The following CAST variants were observed in gnomAD, a reference collection of about 807,000 sequenced individuals.
CAST encodes the protein MIR583 host.
In CAST, 76 loss-of-function variants were observed where a neutral mutation model predicts 119.6. The observed-to-expected ratio is 0.64, with a 90% CI of 0.53 to 0.77. The LOEUF is 0.77. Among genes scored for constraint, CAST ranks in the 30% least tolerant of loss-of-function variants. The pLI, the probability that CAST is intolerant of heterozygous loss-of-function variation, is 0.00. For missense variants in CAST, 953 were observed against 946.5 expected (o/e 1.01, Z -0.09); for synonymous variants, 319 against 331.6 (o/e 0.96, Z 0.41).
the CAST span, among the ~76,000 whole-genome samples, chr5:96,404,091 A>G: frequency 6.6e-6 from 1 of 152,188 alleles, no homozygotes; most frequent in African/African-American, 2.4e-5. Flanking sequence ...TAGTGCCACA[A>G]ACATTTATGC....
chr5:96,387,255 T>C, the CAST span, among the ~76,000 whole-genome samples: 1 of 152,212 alleles, frequency 6.6e-6, no homozygotes, highest in Non-Finnish European at 1.5e-5. Flanking sequence ...AATAGTATCA[T>C]TTACAGCAAC....
At chr5:96,013,911 T>C in the CAST span, among the ~76,000 whole-genome samples, 2 of 152,172 alleles carry the variant, frequency 1.3e-5, no homozygotes, top group Non-Finnish European at 2.9e-5. Context: ...TAGGACATTA[T>C]ACTATTGTAG....
chr5:96,151,133 G>C, the CAST span, among the ~76,000 whole-genome samples: 1 of 152,148 alleles, frequency 6.6e-6, no homozygotes, highest in Non-Finnish European at 1.5e-5. Context: ...CTAGAAAACA[G>C]ACTATTTGTT....
chr5:96,554,805 C>T (rs1006732522), intron 1 of CAST, among the ~76,000 whole-genome samples: 5 of 152,170 alleles, frequency 3.3e-5, no homozygotes, highest in African/African-American at 9.7e-5. Context: ...AGAAACAATG[C>T]TCATCATCAC....
chr5:96,037,845 G>A, the CAST span, among the ~76,000 whole-genome samples: 1 of 152,068 alleles, frequency 6.6e-6, no homozygotes, highest in African/African-American at 2.4e-5. Flanking sequence ...TGCCTGGGGT[G>A]GATATCTAAG....
chr5:96,392,777 A>C, the CAST span: 2 of 586,926 alleles, frequency 3.4e-6, no homozygotes, highest in Non-Finnish European at 6.0e-6. Context: ...ACTTGTGCAG[A>C]CAGGAAAGAT....
the CAST span, among the ~76,000 whole-genome samples, chr5:96,139,516 A>G: frequency 2.7e-4 from 37 of 137,006 alleles, no homozygotes; most frequent in African/African-American, 1.0e-3. Context: ...ACATATATAT[A>G]TGTGTATATA....
At chr5:96,172,255 C>A in the CAST span, among the ~76,000 whole-genome samples, 2 of 152,168 alleles carry the variant, frequency 1.3e-5, no homozygotes, top group East Asian at 3.9e-4. Context: ...TCAGTTAAGG[C>A]AGGGACTGGC....
chr5:96,531,044 T>C (rs1745680759), intron 1 of CAST, among the ~76,000 whole-genome samples: 1 of 152,160 alleles, frequency 6.6e-6, no homozygotes, highest in Non-Finnish European at 1.5e-5. Flanking sequence ...ATGCTAGCCT[T>C]AGCTTCCCAA....
At chr5:96,174,237 T>C in the CAST span, among the ~76,000 whole-genome samples, 2 of 152,228 alleles carry the variant, frequency 1.3e-5, no homozygotes, top group African/African-American at 4.8e-5. Context: ...AGTTTCCTTC[T>C]TTCTGGTTGT....
the CAST span, among the ~76,000 whole-genome samples, chr5:96,066,773 C>G: frequency 6.6e-6 from 1 of 151,976 alleles, no homozygotes; most frequent in Non-Finnish European, 1.5e-5. Flanking sequence ...AATTCTCCCC[C>G]CTCAGTCTCC....
intron 1 of CAST, among the ~76,000 whole-genome samples, chr5:96,598,385 A>G (rs1316166880): frequency 1.3e-5 from 2 of 152,208 alleles, no homozygotes; most frequent in Non-Finnish European, 2.9e-5. Context: ...ACCAGAGCCA[A>G]GAAGTCCTGT....
chr5:96,049,889 C>CAAAAA, the CAST span, among the ~76,000 whole-genome samples: 553 of 34,214 alleles, frequency 0.016, 5 homozygotes, highest in Middle Eastern at 0.038. Flanking sequence ...GAACAGGAGG[C>CAAAAA]AAAAAAAAAA....
At chr5:96,411,086 G>C in the CAST span, 5 of 878,210 alleles carry the variant, frequency 5.7e-6, no homozygotes, top group Non-Finnish European at 7.8e-6. Context: ...GAAATTCTCA[G>C]AGACAGCTAT....
At chr5:96,753,340 C>G (rs1055719835) in intron 20 of CAST, among the ~76,000 whole-genome samples, 3 of 152,164 alleles carry the variant, frequency 2.0e-5, no homozygotes, top group Admixed American at 1.3e-4. Flanking sequence ...GGCCATGAAC[C>G]ATTAAGTTGA....
chr5:96,073,930 A>T, the CAST span, among the ~76,000 whole-genome samples: 1 of 152,074 alleles, frequency 6.6e-6, no homozygotes, highest in Non-Finnish European at 1.5e-5. Flanking sequence ...TTCTTTAGAG[A>T]ATTATTCTCC....
chr5:96,133,559 C>T, the CAST span, among the ~76,000 whole-genome samples: 1 of 152,108 alleles, frequency 6.6e-6, no homozygotes. Context: ...AAATGTGTTT[C>T]ATTTTGCTTT....
At chr5:96,048,546 C>T in the CAST span, among the ~76,000 whole-genome samples, 1 of 152,080 alleles carries the variant, frequency 6.6e-6, no homozygotes, top group Non-Finnish European at 1.5e-5. Context: ...CAGTAGCTTC[C>T]ACCTAATTTT....
chr5:96,284,771 A>G, the CAST span, among the ~76,000 whole-genome samples: 1 of 152,252 alleles, frequency 6.6e-6, no homozygotes, highest in Non-Finnish European at 1.5e-5. Context: ...AATTTAATAT[A>G]GGAAAGTGAT....
Sources: gnomAD v4.1 joint callset for allele counts (sites outside exome capture counted in the v4.1 genomes callset) on GRCh38, gnomAD v4.1.1 for gene constraint, MANE v1.5 for transcripts, NCBI Gene and HGNC (gene_info 2026-07-23, HGNC 2026-07-21) for gene names.